The following PAFAH2 variants were observed in gnomAD, a reference collection of about 807,000 sequenced individuals.
PAFAH2 encodes the protein platelet activating factor acetylhydrolase 2.
A neutral mutation model predicts 49.0 loss-of-function variants in PAFAH2; 42 were observed. The ratio of observed to expected loss-of-function variants is 0.86; its 90% CI spans 0.67 to 1.11. PAFAH2 has a LOEUF of 1.11. Among genes scored for constraint, PAFAH2 ranks in the 50% least tolerant of loss-of-function variants. The pLI is 0.00. For missense variants in PAFAH2, 503 were observed against 501.8 expected (o/e 1.00, Z -0.02); for synonymous variants, 184 against 181.3 (o/e 1.01, Z -0.12).
chr1:25,966,800 C>A (rs1302141527), intron 10 of PAFAH2, among the ~76,000 whole-genome samples: 1 of 151,996 alleles, frequency 6.6e-6, no homozygotes, highest in Admixed American at 6.6e-5. Flanking sequence ...GGGAGGCCAA[C>A]ACAGGCAGAT....
In PAFAH2 at chr1:25,992,319, T is replaced by C. The variant is rs183391276; in HGVS notation, c.-47-1456A>G. On this transcript the variant is annotated intron_variant, in intron 1 of 10. Transcript: ENST00000374282. ...CAGGGGAGGAGGAAGAAAGCACTTA[T>C]AGAAAAAATCCTAAGAGGAAAAAAA... 3.4e-4 allele frequency among the ~76,000 whole-genome samples: 52 copies of C among 152,174 alleles called. 1 individual carries two copies. The highest frequency in any genetic ancestry group is 1.2e-3 in the African/African-American group (48 of 41,518).
intron 6 of PAFAH2, among the ~76,000 whole-genome samples, chr1:25,983,177 G>A (rs938024183): frequency 1.7e-4 from 26 of 152,046 alleles, no homozygotes; most frequent in Non-Finnish European, 2.4e-4. Flanking sequence ...GATCGCTTGA[G>A]TTCAGGAGTT....
At chr1:25,976,911 T>C in intron 7 of PAFAH2, 138 bp from the exon 8 acceptor site, 1 of 632,374 alleles carries the variant, frequency 1.6e-6, no homozygotes, top group East Asian at 2.8e-5. Flanking sequence ...AACACCACAC[T>C]GTCAAGAATC....
chr1:25,992,170 A>G (rs2049885244), intron 1 of PAFAH2, among the ~76,000 whole-genome samples: 2 of 152,156 alleles, frequency 1.3e-5, no homozygotes, highest in South Asian at 2.1e-4. Flanking sequence ...GGCTCAAACA[A>G]TACACCTGCC....
At chr1:25,962,121 T>C (rs1000238911) in intron 10 of PAFAH2, 38 bp from the exon 11 acceptor site, 2 of 1,538,170 alleles carry the variant, frequency 1.3e-6, no homozygotes, top group Admixed American at 3.4e-5. Context: ...GGCAAATCAT[T>C]GTGAGGTTTG....
intron 10 of PAFAH2, among the ~76,000 whole-genome samples, chr1:25,970,040 A>T (rs749339061): frequency 7.2e-5 from 11 of 152,162 alleles, no homozygotes; most frequent in Non-Finnish European, 1.0e-4. Context: ...TAAAAATGAA[A>T]ATTTACTTCC....
At chr1:25,978,665 C>T (rs1162297294) in intron 7 of PAFAH2, among the ~76,000 whole-genome samples, 3 of 152,216 alleles carry the variant, frequency 2.0e-5, no homozygotes, top group Non-Finnish European at 4.4e-5. Flanking sequence ...TATGCCCTTT[C>T]CCATTCTGTT....
chr1:25,990,558 A>G (rs530365272), intron 2 of PAFAH2, among the ~76,000 whole-genome samples, 169 bp downstream of exon 2: 5 of 152,204 alleles, frequency 3.3e-5, no homozygotes, highest in Non-Finnish European at 7.3e-5. Context: ...ATGTTTGGAA[A>G]GAGGAAGAAA....
chr1:25,996,698 T>C (rs2049941882), intron 1 of PAFAH2, among the ~76,000 whole-genome samples: 1 of 152,170 alleles, frequency 6.6e-6, no homozygotes, highest in Non-Finnish European at 1.5e-5. Flanking sequence ...AAATAATGCA[T>C]GTAAAGCACT....
At chr1:25,981,079 A>T (rs2049680662) in intron 7 of PAFAH2, among the ~76,000 whole-genome samples, 1 of 152,272 alleles carries the variant, frequency 6.6e-6, no homozygotes, top group South Asian at 2.1e-4. Flanking sequence ...CTGGGCAGAT[A>T]GCAAGACCCT....
intron 1 of PAFAH2, among the ~76,000 whole-genome samples, chr1:25,993,734 C>G (rs547044704): frequency 1.3e-5 from 2 of 152,092 alleles, no homozygotes; most frequent in African/African-American, 4.8e-5. Context: ...CTTTCCCCAT[C>G]GCTTGTTGTT....
At chr1:25,964,852 T>C (rs2049396978) in intron 10 of PAFAH2, among the ~76,000 whole-genome samples, 1 of 152,124 alleles carries the variant, frequency 6.6e-6, no homozygotes, top group African/African-American at 2.4e-5. Context: ...TCAAAGCAAT[T>C]TACAGATTCA....
At chr1:25,962,454 T>C (rs1434652467) in intron 10 of PAFAH2, among the ~76,000 whole-genome samples, 1 of 152,116 alleles carries the variant, frequency 6.6e-6, no homozygotes, top group African/African-American at 2.4e-5. Context: ...AAACTGAGGA[T>C]CAGGGAAGCT....
chr1:25,990,520 A>G (rs891392730), intron 2 of PAFAH2, among the ~76,000 whole-genome samples: 2 of 152,160 alleles, frequency 1.3e-5, no homozygotes. Flanking sequence ...AAATGAACGC[A>G]TTATCTCTGT....
chr1:25,987,715 G>GA lies in PAFAH2; in HGVS notation c.341+515dup, dbSNP rs11289287. On this transcript the variant is annotated intron_variant, in intron 4 of 10. Coordinates refer to ENST00000374282, the MANE Select transcript of PAFAH2 (RefSeq NM_000437.4). ...GGCAACACAGTGAGATCTCGTCCCT[G>GA]AAAAAAAAAAAAAAAATTTAAAAAT... Among the ~76,000 whole-genome samples, 43 of 139,896 alleles carry GA rather than the reference G, an allele frequency of 3.1e-4. 1 individual carries two copies. The highest frequency in any genetic ancestry group is 7.0e-4 in the African/African-American group (26 of 37,350). The allele number at this position is 139,896 out of a possible 152,430, so 91.8% of individuals were successfully genotyped here.
At chr1:25,975,449 G>C (rs1224983633) in intron 8 of PAFAH2, among the ~76,000 whole-genome samples, 1 of 152,008 alleles carries the variant, frequency 6.6e-6, no homozygotes, top group Admixed American at 6.6e-5. Context: ...GGGCATGGTA[G>C]CATGTACCTG....
intron 7 of PAFAH2, among the ~76,000 whole-genome samples, chr1:25,981,187 A>T (rs1483837227): frequency 1.3e-5 from 2 of 149,594 alleles, no homozygotes; most frequent in East Asian, 2.0e-4. Flanking sequence ...TAAGGCCACA[A>T]AACAGCTTGT....
rs561265158 is a variant in PAFAH2, at chr1:25,985,108, C to T, written c.342-580G>A. The stretch of plus-strand genomic sequence containing the variant: ...TCCTGACCTCGTGATCCGCCCACCT[C>T]GGCCTCCCAAAGTGCTGGGATTACA... On this transcript the variant is annotated intron_variant, in intron 4 of 10. Coordinates refer to ENST00000374282, the MANE Select transcript of PAFAH2 (RefSeq NM_000437.4). Among the ~76,000 whole-genome samples the T allele has an allele frequency of 4.8e-3, 735 of 152,206 alleles. 3 individuals are homozygous for T. Among genetic ancestry groups the T allele is most frequent in the South Asian group, 0.019 (92 of 4,818 alleles).
rs778505694 is a variant in PAFAH2, at chr1:25,988,287, C to G, written c.285G>C (p.Lys95Asn). 5 of 1,611,246 alleles carry G rather than the reference C, an allele frequency of 3.1e-6. No individual in the cohort carries two copies. The South Asian group carries it at 4.4e-5, about 14-fold the overall frequency. ...TCAAGGGGTATCCAGAGTCCTTTGT[C>G]TTAAAGGGGCCATTCCAGCTAACAG... ...RLPVSWNGPF[K>N]TKDSGYPLII... is the part of the protein sequence containing the mutation. Residue 95 changes from lysine (K) to asparagine (N), a missense_variant, in exon 4 of 11, where the codon AAG becomes AAC. Physicochemically the swap from Lys to Asn is moderately conservative, Grantham distance 94. Coordinates refer to ENST00000374282, the MANE Select transcript of PAFAH2 (RefSeq NM_000437.4).
Sources: gnomAD v4.1 joint callset for allele counts (sites outside exome capture counted in the v4.1 genomes callset) on GRCh38, gnomAD v4.1.1 for gene constraint, MANE v1.5 for transcripts, NCBI Gene and HGNC (gene_info 2026-07-23, HGNC 2026-07-21) for gene names.